KIF1B: variants seen among roughly 807,000 people sequenced by gnomAD.
KIF1B encodes kinesin-like protein KIF1B.
In KIF1B, 76 loss-of-function variants were observed where a neutral mutation model predicts 241.9. That is an observed-to-expected ratio of 0.31 (90% confidence interval 0.26 to 0.38). The LOEUF (loss-of-function observed/expected upper bound fraction) is 0.38, where lower values mean the gene tolerates loss of function less well. Ranked by LOEUF, KIF1B falls within the 10% of genes least tolerant of loss-of-function variation. The pLI, the probability that KIF1B is intolerant of heterozygous loss-of-function variation, is 1.00. For synonymous variants in KIF1B, 750 were observed against 796.7 expected, an observed-to-expected ratio of 0.94 and a Z score of 0.99; for missense variants, 1,622 against 2,271.4, an observed-to-expected ratio of 0.71 and a Z score of 5.81.
In KIF1B at chr1:10,220,001, G is replaced by A. The variant is rs544337256; in HGVS notation, c.-80+9123G>A. ...GCGGATCACCTGAGGTCAAGAGTTCGAGACCAGCCTGACCAACATGGAGAA... is the reference window on the plus strand; with the variant it reads ...GCGGATCACCTGAGGTCAAGAGTTCAAGACCAGCCTGACCAACATGGAGAA... On this transcript the variant is annotated intron_variant, in intron 1 of 48. Transcript: ENST00000676179. 5.3e-5 allele frequency among the ~76,000 whole-genome samples: 8 copies of A among 151,904 alleles called. No homozygotes were observed. The East Asian group carries it at 5.8e-4, about 11-fold the overall frequency.
intron 1 of KIF1B, among the ~76,000 whole-genome samples, chr1:10,215,362 G>A (rs1167146963): frequency 6.6e-6 from 1 of 150,990 alleles, no homozygotes; most frequent in Non-Finnish European, 1.5e-5. Flanking sequence ...TTTTAGTAAA[G>A]TAGGGGTTTC....
At chr1:10,353,893 C>T (rs1652887737) in intron 38 of KIF1B, among the ~76,000 whole-genome samples, 1 of 152,144 alleles carries the variant, frequency 6.6e-6, no homozygotes, top group African/African-American at 2.4e-5. Flanking sequence ...CTGAAGTCAG[C>T]AGTAATTCTG....
intron 15 of KIF1B, among the ~76,000 whole-genome samples, chr1:10,282,939 G>A (rs1042751041): frequency 6.6e-6 from 1 of 151,884 alleles, no homozygotes; most frequent in Admixed American, 6.5e-5. Context: ...GGGTGCAGTG[G>A]CTCACGCCTG....
chr1:10,239,169 G>A lies in KIF1B; in HGVS notation c.106+6735G>A, dbSNP rs1647099442. On this transcript the variant is annotated intron_variant, in intron 2 of 48. Coordinates refer to ENST00000676179, the MANE Select transcript of KIF1B (RefSeq NM_001365951.3). ...TACAAAAAACCATGTTGCCCATGCTGGTCCCAACTCTTGGGCTCAAGTGAT... is the reference window on the plus strand; with the variant it reads ...TACAAAAAACCATGTTGCCCATGCTAGTCCCAACTCTTGGGCTCAAGTGAT... Among the ~76,000 whole-genome samples, 5 of 152,226 alleles carry A rather than the reference G, an allele frequency of 3.3e-5. No individual in the cohort carries two copies. In the South Asian group the frequency reaches 1.0e-3, roughly 32 times the overall value.
Position 10,358,882 on chromosome 1 carries a change from T to C in KIF1B, c.4056-2047T>C, listed in dbSNP as rs188364809. ...CCCAAGAACTATAGAAAGGCCTTCA[T>C]TGTCCATCATTTCTGTTCCTGTTTG... On this transcript the variant is annotated intron_variant, in intron 38 of 48. Coordinates refer to ENST00000676179, the MANE Select transcript of KIF1B (RefSeq NM_001365951.3). Among the ~76,000 whole-genome samples, 53 of 152,342 alleles carry C rather than the reference T, an allele frequency of 3.5e-4. 2 individuals are homozygous for C. Among genetic ancestry groups the C allele is most frequent in the Admixed American group, 2.0e-4 (3 of 15,296 alleles).
At chr1:10,265,401 A>G (rs1648402031) in intron 5 of KIF1B, among the ~76,000 whole-genome samples, 1 of 151,836 alleles carries the variant, frequency 6.6e-6, no homozygotes, top group Non-Finnish European at 1.5e-5. Context: ...TGCCTGGCTA[A>G]TTCTTTGTAT....
chr1:10,335,979 T>TC (rs1424260872), intron 28 of KIF1B, among the ~76,000 whole-genome samples: 1 of 152,238 alleles, frequency 6.6e-6, no homozygotes, highest in Non-Finnish European at 1.5e-5. Flanking sequence ...TTTCAGCCTT[T>TC]CCCCTATGGA....
At chr1:10,220,277 A>G (rs1033310240) in intron 1 of KIF1B, among the ~76,000 whole-genome samples, 184 of 150,174 alleles carry the variant, frequency 1.2e-3, no homozygotes, top group African/African-American at 4.3e-3. Context: ...AGGCTGAGGG[A>G]GGAGGATTGC....
intron 33 of KIF1B, 32 bp downstream of exon 33, chr1:10,342,200 G>A (rs1652422646): frequency 6.0e-6 from 8 of 1,326,514 alleles, no homozygotes; most frequent in East Asian, 2.3e-5. Flanking sequence ...ATTTTTGATG[G>A]TATTGTTTTG....
chr1:10,334,699 G>A lies in KIF1B; in HGVS notation c.3043+61G>A. Reference sequence around the variant, plus strand: ...TCTTTGTCTAGAGACAAAGCAGGCTGATTCTGCGTGGGTCACGCTTATATT... The same window carrying A: ...TCTTTGTCTAGAGACAAAGCAGGCTAATTCTGCGTGGGTCACGCTTATATT... On this transcript the variant is annotated intron_variant, in intron 28 of 48. Coordinates refer to ENST00000676179, the MANE Select transcript of KIF1B (RefSeq NM_001365951.3). 9 of 1,292,448 alleles carry A rather than the reference G, an allele frequency of 7.0e-6. No individual in the cohort carries two copies. In the South Asian group the frequency reaches 1.1e-4, roughly 15 times the overall value. The allele number at this position is 1,292,448 out of a possible 1,614,324, so 80.1% of individuals were successfully genotyped here. A position where few individuals can be genotyped will look rare whatever the true frequency, so the allele number is the denominator to read the frequency against.
At chr1:10,368,404 A>C (rs2102354311) in intron 43 of KIF1B, 63 bp from the exon 44 acceptor site, 1 of 1,438,448 alleles carries the variant, frequency 7.0e-7, no homozygotes, top group Non-Finnish European at 9.8e-7. Context: ...GTGGTCAGCT[A>C]TCCCAAGGCT....
rs1047182540 is a variant in KIF1B at position 10,324,050 on chromosome 1, T to C, written c.2525T>C (p.Leu842Ser). The C allele has an allele frequency of 1.2e-6, 2 of 1,614,182 alleles. No individual in the cohort carries two copies. The highest frequency in any genetic ancestry group is 3.3e-5 in the Admixed American group (2 of 60,020). Residue 842 changes from leucine to serine, a missense_variant, in exon 25 of 49, where the codon TTG becomes TCG. Leu to Ser is a moderately radical substitution (Grantham distance 145). Coordinates refer to ENST00000676179, the MANE Select transcript of KIF1B (RefSeq NM_001365951.3). The stretch of plus-strand genomic sequence containing the variant: ...AATGGAGCAACACACTATTGGTCTT[T>C]GGAGAAACTCAAGTATGAAAACATT... The part of the protein sequence containing the change: ...LKNGATHYWS[L>S]EKLKQRLDLM...
intron 25 of KIF1B, 52 bp downstream of exon 25, chr1:10,324,114 C>T (rs768519399): frequency 1.8e-5 from 25 of 1,405,708 alleles, no homozygotes; most frequent in African/African-American, 4.2e-5. Flanking sequence ...ATAACAATGA[C>T]CTGCTCAAGT....
chr1:10,252,860 A>G, intron 2 of KIF1B, among the ~76,000 whole-genome samples: 1 of 151,878 alleles, frequency 6.6e-6, no homozygotes, highest in East Asian at 1.9e-4. Flanking sequence ...AGTAGCTGGG[A>G]TTACAGGCGT....
chr1:10,258,468 T>C, intron 3 of KIF1B, 25 bp from the exon 4 acceptor site: 1 of 1,602,472 alleles, frequency 6.2e-7, no homozygotes. Flanking sequence ...AAAAGGTTAT[T>C]TATTTCTCCT....
chr1:10,298,259 A>G (rs983540476), intron 22 of KIF1B, among the ~76,000 whole-genome samples: 2 of 152,226 alleles, frequency 1.3e-5, no homozygotes, highest in African/African-American at 4.8e-5. Flanking sequence ...TTCTTTCCTT[A>G]GTATAAAATA....
At position 10,296,608 on chromosome 1, in the gene KIF1B, C is replaced by T. The variant is rs767848662; in HGVS notation, c.1804C>T (p.Arg602Cys). 29 of 1,613,758 alleles carry T rather than the reference C, an allele frequency of 1.8e-5. No homozygotes were observed. The highest frequency in any genetic ancestry group is 2.4e-5 in the Non-Finnish European group (28 of 1,179,810). The change falls in exon 20 of 49, where the codon CGC becomes TGC. Residue 602 changes from arginine to cysteine, a missense_variant. Coordinates refer to ENST00000676179, the MANE Select transcript of KIF1B (RefSeq NM_001365951.3). Reference sequence around the variant, plus strand: ...TATCGTGACCTTAGAGCCCTGTGAGCGCTCAGAAACCTACGTAAATGGCAA... The same window carrying T: ...TATCGTGACCTTAGAGCCCTGTGAGTGCTCAGAAACCTACGTAAATGGCAA... ...EVIVTLEPCE[R>C]SETYVNGKRV...
chr1:10,352,298 C>T (rs772110557), intron 37 of KIF1B, among the ~76,000 whole-genome samples: 28 of 150,584 alleles, frequency 1.9e-4, no homozygotes, highest in East Asian at 5.9e-4. Context: ...TGGATTGGAA[C>T]GGGGGAGGTG....
At chr1:10,268,997 A>G (rs1648632332) in intron 7 of KIF1B, among the ~76,000 whole-genome samples, 1 of 152,176 alleles carries the variant, frequency 6.6e-6, no homozygotes, top group Non-Finnish European at 1.5e-5. Flanking sequence ...TGTTAATTTT[A>G]TTGTTATTGT....
Sources: allele counts gnomAD v4.1 joint callset (sites outside exome capture counted in the v4.1 genomes callset), GRCh38; gene constraint gnomAD v4.1.1; transcripts MANE v1.5; gene names NCBI Gene and HGNC (gene_info 2026-07-23, HGNC 2026-07-21).